The following TYW1B variants were observed in gnomAD, a reference collection of about 807,000 sequenced individuals.
TYW1B encodes the protein tRNA-yW synthesizing protein 1 homolog B.
TYW1B carries 73 observed loss-of-function variants against 86.9 expected under a neutral mutation model. That is an observed-to-expected ratio of 0.84 (90% CI 0.70 to 1.02). The LOEUF (loss-of-function observed/expected upper bound fraction) is 1.02. Ranked by LOEUF, TYW1B falls within the 50% of genes least tolerant of loss-of-function variation. The pLI, the probability that TYW1B is intolerant of heterozygous loss-of-function variation, is 0.00. For missense variants in TYW1B, 637 were observed against 827.4 expected (o/e 0.77, Z 2.82); for synonymous variants, 248 against 292.8 (o/e 0.85, Z 1.56).
At chr7:72,821,393 C>A (rs1788825517) in intron 2 of TYW1B, among the ~76,000 whole-genome samples, 1 of 152,272 alleles carries the variant, frequency 6.6e-6, no homozygotes, top group African/African-American at 2.4e-5. Context: ...AACTTCATGT[C>A]CAACCTTGGA....
intron 11 of TYW1B, among the ~76,000 whole-genome samples, chr7:72,661,135 CA>C (rs1300929929): frequency 2.3e-3 from 250 of 107,938 alleles, no homozygotes; most frequent in Middle Eastern, 9.1e-3. Context: ...ACTCTGTCTC[CA>C]AAAAAAAAAA....
intron 13 of TYW1B, among the ~76,000 whole-genome samples, chr7:72,583,434 G>T (rs1554429911): frequency 6.6e-6 from 1 of 152,166 alleles, no homozygotes; most frequent in African/African-American, 2.4e-5. Context: ...GAGATACGGA[G>T]ATAAATACCA....
At chr7:72,712,363 T>C (rs1786686691) in intron 10 of TYW1B, among the ~76,000 whole-genome samples, 2 of 152,148 alleles carry the variant, frequency 1.3e-5, no homozygotes. Flanking sequence ...AGTTTCACTC[T>C]TGTTGCCCAG....
chr7:72,816,499 A>G (rs1286397871), intron 2 of TYW1B, among the ~76,000 whole-genome samples: 1 of 152,222 alleles, frequency 6.6e-6, no homozygotes, highest in Non-Finnish European at 1.5e-5. Context: ...AGAACCCCAG[A>G]GAAGCTCTGG....
chr7:72,751,862 C>T (rs543948800), intron 7 of TYW1B, among the ~76,000 whole-genome samples: 6 of 152,330 alleles, frequency 3.9e-5, no homozygotes, highest in Admixed American at 1.3e-4. Context: ...AGAACCTTTG[C>T]AGTGTAATTT....
At chr7:72,701,851 A>G (rs1554452626) in intron 10 of TYW1B, among the ~76,000 whole-genome samples, 1 of 152,124 alleles carries the variant, frequency 6.6e-6, no homozygotes, top group South Asian at 2.1e-4. Context: ...AGCCTTTGTC[A>G]AGGGGCTCTG....
chr7:72,608,733 C>T (rs1276494156), intron 13 of TYW1B, among the ~76,000 whole-genome samples: 1 of 152,130 alleles, frequency 6.6e-6, no homozygotes, highest in Non-Finnish European at 1.5e-5. Flanking sequence ...CGAAGTGGCT[C>T]TATTATTGTC....
At chr7:72,808,115 T>C (rs1788531029) in intron 4 of TYW1B, among the ~76,000 whole-genome samples, 1 of 150,058 alleles carries the variant, frequency 6.7e-6, no homozygotes, top group South Asian at 2.1e-4. Context: ...AAAAAAAAAA[T>C]TTACATATCT....
chr7:72,798,821 G>A (rs1554475049), intron 6 of TYW1B, among the ~76,000 whole-genome samples: 1 of 152,162 alleles, frequency 6.6e-6, no homozygotes, highest in Non-Finnish European at 1.5e-5. Context: ...ATTCTGAAAG[G>A]TGAGAAATGT....
At chr7:72,734,423 A>G (rs1787165468) in intron 8 of TYW1B, among the ~76,000 whole-genome samples, 1 of 152,176 alleles carries the variant, frequency 6.6e-6, no homozygotes, top group African/African-American at 2.4e-5. Flanking sequence ...AAGGTCATGC[A>G]GTGGGGAAAG....
intron 10 of TYW1B, among the ~76,000 whole-genome samples, chr7:72,703,938 T>C (rs1464346752): frequency 6.7e-6 from 1 of 148,790 alleles, no homozygotes; most frequent in Non-Finnish European, 1.5e-5. Flanking sequence ...TTCTGTGATA[T>C]AGGTTAAATT....
At chr7:72,603,088 C>A (rs1335661165) in intron 13 of TYW1B, among the ~76,000 whole-genome samples, 13 of 150,982 alleles carry the variant, frequency 8.6e-5, no homozygotes, top group Non-Finnish European at 1.5e-4. Flanking sequence ...GACAGACAGA[C>A]AGATGATGGA....
At chr7:72,716,184 G>T (rs1257139016) in intron 9 of TYW1B, among the ~76,000 whole-genome samples, 1 of 152,174 alleles carries the variant, frequency 6.6e-6, no homozygotes. Flanking sequence ...TGATCTGCCC[G>T]CCTCGGCCTC....
rs1218485505 is a variant in TYW1B at position 72,703,004 on chromosome 7, ATATATATATATATATATATATAT to A, written c.1371-8205_1371-8183del. On this transcript the variant is annotated intron_variant, in intron 10 of 13. Transcript: ENST00000620995. ...TATCTATCTATATATATATATATATATATATATATATATATATATATATTTTTTTTTTTTTTTTGAGATGGAGT... is the reference window on the plus strand; with the variant it reads ...TATCTATCTATATATATATATATATATTTTTTTTTTTTTTTGAGATGGAGT... 2.0e-4 allele frequency among the ~76,000 whole-genome samples: 5 copies of A among 25,126 alleles called. 1 individual carries two copies. Among genetic ancestry groups the A allele is most frequent in the African/African-American group, 6.5e-4 (5 of 7,698 alleles). 16.5% of individuals were successfully genotyped at this position (25,126 alleles called of 152,430 possible). A position where few individuals can be genotyped will look rare whatever the true frequency, so the allele number is the denominator to read the frequency against.
At chr7:72,802,917 G>A (rs547810339) in intron 5 of TYW1B, among the ~76,000 whole-genome samples, 5 of 152,030 alleles carry the variant, frequency 3.3e-5, no homozygotes, top group Non-Finnish European at 5.9e-5. Context: ...AACAGCGCTC[G>A]GCTGTCTATA....
intron 11 of TYW1B, among the ~76,000 whole-genome samples, chr7:72,659,854 G>A (rs1813291056): frequency 6.6e-6 from 1 of 152,228 alleles, no homozygotes; most frequent in Admixed American, 6.5e-5. Flanking sequence ...TCAGGAGGAT[G>A]AACGAGGAAG....
At chr7:72,694,398 C>T (rs1313718117) in intron 11 of TYW1B, among the ~76,000 whole-genome samples, 1 of 152,140 alleles carries the variant, frequency 6.6e-6, no homozygotes, top group African/African-American at 2.4e-5. Flanking sequence ...TATTAATTAA[C>T]TTTGGGAGTA....
At chr7:72,588,444 C>A (rs1218541738) in intron 13 of TYW1B, among the ~76,000 whole-genome samples, 2 of 152,160 alleles carry the variant, frequency 1.3e-5, no homozygotes, top group Admixed American at 6.5e-5. Flanking sequence ...GAATACTGTG[C>A]AAAACCTAAA....
At chr7:72,625,820 T>G (rs1812330167) in intron 12 of TYW1B, among the ~76,000 whole-genome samples, 1 of 145,824 alleles carries the variant, frequency 6.9e-6, no homozygotes, top group Non-Finnish European at 1.5e-5. Context: ...TGACTGATTT[T>G]TTTCAGATTT....
Sources: gnomAD v4.1 joint callset for allele counts (sites outside exome capture counted in the v4.1 genomes callset) on GRCh38, gnomAD v4.1.1 for gene constraint, MANE v1.5 for transcripts, NCBI Gene and HGNC (gene_info 2026-07-23, HGNC 2026-07-21) for gene names.